The following NFAT5 variants were observed in gnomAD, a reference collection of about 807,000 sequenced individuals.
NFAT5 encodes nuclear factor of activated T cells 5, also known as nuclear factor of activated T-cells 5.
In NFAT5, 31 loss-of-function variants were observed where a neutral mutation model predicts 166.5. The ratio of observed to expected loss-of-function variants is 0.19; its 90% confidence interval spans 0.14 to 0.25. The LOEUF (loss-of-function observed/expected upper bound fraction) is 0.25, where lower values mean the gene tolerates loss of function less well. NFAT5 is among the 10% of genes least tolerant of loss of function. The pLI is 1.00. For synonymous variants in NFAT5, 612 were observed against 639.7 expected, an observed-to-expected ratio of 0.96 and a Z score of 0.65; for missense variants, 1,449 against 1,821.8, an observed-to-expected ratio of 0.80 and a Z score of 3.72.
chr16:69,633,559 G>A (rs761084851), intron 3 of NFAT5, among the ~76,000 whole-genome samples: 1 of 152,180 alleles, frequency 6.6e-6, no homozygotes, highest in Non-Finnish European at 1.5e-5. Context: ...AGGACATTAA[G>A]TGAAATAAGC....
chr16:69,668,511 A>G (rs1316839688), intron 7 of NFAT5, among the ~76,000 whole-genome samples: 1 of 152,184 alleles, frequency 6.6e-6, no homozygotes, highest in African/African-American at 2.4e-5. Flanking sequence ...TTTGTGTTTC[A>G]TGTACAGCTA....
At chr16:69,660,254 T>C (rs1484216109) in intron 7 of NFAT5, among the ~76,000 whole-genome samples, 1 of 151,986 alleles carries the variant, frequency 6.6e-6, no homozygotes, top group Non-Finnish European at 1.5e-5. Flanking sequence ...AAATCCTGTC[T>C]CTACAAAATA....
chr16:69,579,185 T>C (rs1001606260), intron 2 of NFAT5, among the ~76,000 whole-genome samples: 4 of 152,232 alleles, frequency 2.6e-5, no homozygotes, highest in Non-Finnish European at 5.9e-5. Flanking sequence ...TAAGTTTTAA[T>C]AAAATTATAT....
At chr16:69,577,735 T>TA (rs1178828760) in intron 2 of NFAT5, among the ~76,000 whole-genome samples, 4 of 152,132 alleles carry the variant, frequency 2.6e-5, no homozygotes, top group Non-Finnish European at 2.9e-5. Flanking sequence ...ACATACTTTT[T>TA]AAAAAAACTC....
chr16:69,655,164 A>G (rs764233018), intron 5 of NFAT5, among the ~76,000 whole-genome samples: 1 of 152,068 alleles, frequency 6.6e-6, no homozygotes, highest in Non-Finnish European at 1.5e-5. Context: ...ATATAGCTGC[A>G]CTCATACTTT....
At chr16:69,603,800 G>T (rs1242377216) in intron 2 of NFAT5, among the ~76,000 whole-genome samples, 1 of 152,108 alleles carries the variant, frequency 6.6e-6, no homozygotes, top group Non-Finnish European at 1.5e-5. Flanking sequence ...TCTGTGATGT[G>T]TGTATAATTC....
At chr16:69,624,895 CT>C (rs72033932) in intron 2 of NFAT5, among the ~76,000 whole-genome samples, 4 of 142,642 alleles carry the variant, frequency 2.8e-5, no homozygotes, top group African/African-American at 7.8e-5. Flanking sequence ...TCTAATTGTT[CT>C]TTTTTTTAAA....
chr16:69,702,023 G>C lies in NFAT5; in HGVS notation c.*5672G>C, dbSNP rs1164459437. On this transcript the variant is annotated 3_prime_UTR_variant, in exon 15 of 15. Coordinates refer to ENST00000349945, the MANE Select transcript of NFAT5 (RefSeq NM_138713.4). Reference sequence around the variant, plus strand: ...CCTTACCACAGCGGTGGTGCTTAAAGAAAGGATCATCAGCAACAGGTCAGG... The same window carrying C: ...CCTTACCACAGCGGTGGTGCTTAAACAAAGGATCATCAGCAACAGGTCAGG... The C allele has an allele frequency of 6.6e-6, 1 of 152,628 alleles. No homozygotes were observed. Among genetic ancestry groups the C allele is most frequent in the East Asian group, 1.9e-4 (1 of 5,196 alleles). The allele number at this position is 152,628 out of a possible 1,614,324, so 9.5% of individuals were successfully genotyped here.
intron 7 of NFAT5, among the ~76,000 whole-genome samples, chr16:69,666,313 G>T (rs1385752502): frequency 2.0e-5 from 3 of 151,936 alleles, no homozygotes; most frequent in African/African-American, 7.3e-5. Context: ...AGCCAAAATT[G>T]ACAAATGGGA....
At chr16:69,689,968 G>A (rs1393563794) in intron 11 of NFAT5, among the ~76,000 whole-genome samples, 1 of 152,162 alleles carries the variant, frequency 6.6e-6, no homozygotes. Flanking sequence ...ATCAAATTAA[G>A]AAATTTAACA....
rs911953252 is a variant in NFAT5, at chr16:69,670,164, T to C, written c.1504+53T>C. The C allele has an allele frequency of 7.5e-6, 12 of 1,591,140 alleles. No homozygotes were observed. In the Admixed American group the frequency reaches 2.0e-4, roughly 26 times the overall value. ...ATTTGTATGTTTTCACTTTGTTATA[T>C]GGATATAGTCATAGCTACAGAGTAA... On this transcript the variant is annotated intron_variant, in intron 8 of 14. Coordinates refer to ENST00000349945, the MANE Select transcript of NFAT5 (RefSeq NM_138713.4).
intron 2 of NFAT5, among the ~76,000 whole-genome samples, chr16:69,602,247 A>G (rs1209193072): frequency 3.3e-5 from 5 of 152,100 alleles, no homozygotes; most frequent in Middle Eastern, 3.4e-3. Context: ...ATTAAGGGAA[A>G]GTAGATAAAT....
chr16:69,619,368 G>A (rs1033298338), intron 2 of NFAT5, among the ~76,000 whole-genome samples: 2 of 152,186 alleles, frequency 1.3e-5, no homozygotes, highest in East Asian at 1.9e-4. Context: ...ATATACTTCA[G>A]TAAAAAGAAC....
chr16:69,694,137 A>G lies in NFAT5; in HGVS notation c.4312A>G (p.Thr1438Ala). The change falls in exon 13 of 15, where the codon ACT becomes GCT. Residue 1438 changes from threonine (T) to alanine (A), a missense_variant. Coordinates refer to ENST00000349945, the MANE Select transcript of NFAT5 (RefSeq NM_138713.4). ...CACATCTTCGCCTCAACCACAGGCT[A>G]CTTTATTTCACAACACAGCAGGAGG... ...GATSSPQPQA[T>A]LFHNTAGGTM... The G allele has an allele frequency of 1.2e-6, 2 of 1,614,234 alleles. No homozygotes were observed. The highest frequency in any genetic ancestry group is 1.1e-5 in the South Asian group (1 of 91,086).
At chr16:69,654,335 T>G (rs539339641) in intron 5 of NFAT5, among the ~76,000 whole-genome samples, 2 of 152,318 alleles carry the variant, frequency 1.3e-5, no homozygotes, top group East Asian at 1.9e-4. Context: ...CATTTTATAC[T>G]TGAATGAAAT....
At chr16:69,587,841 A>C (rs1356713796) in intron 2 of NFAT5, among the ~76,000 whole-genome samples, 1 of 152,046 alleles carries the variant, frequency 6.6e-6, no homozygotes, top group Non-Finnish European at 1.5e-5. Context: ...CTTAACCAGT[A>C]CATTTGTTTA....
intron 2 of NFAT5, among the ~76,000 whole-genome samples, chr16:69,610,521 G>C (rs1389232535): frequency 6.6e-6 from 1 of 152,124 alleles, no homozygotes; most frequent in Non-Finnish European, 1.5e-5. Flanking sequence ...TAATAATATA[G>C]TAAGTAAAAT....
chr16:69,590,155 C>G (rs1224959429), intron 2 of NFAT5, among the ~76,000 whole-genome samples: 4 of 152,152 alleles, frequency 2.6e-5, no homozygotes, highest in Admixed American at 6.5e-5. Flanking sequence ...GCTTGGGCGA[C>G]AGAATGAGAC....
intron 2 of NFAT5, among the ~76,000 whole-genome samples, chr16:69,576,025 G>A (rs761314172): frequency 4.6e-5 from 7 of 152,050 alleles, no homozygotes; most frequent in South Asian, 4.2e-4. Context: ...ATTTGAGGCC[G>A]GGCTCGGTGG....
Sources: gnomAD v4.1 joint callset for allele counts (sites outside exome capture counted in the v4.1 genomes callset) on GRCh38, gnomAD v4.1.1 for gene constraint, MANE v1.5 for transcripts, NCBI Gene and HGNC (gene_info 2026-07-23, HGNC 2026-07-21) for gene names.